SEMA6A: variants seen among roughly 807,000 people sequenced by gnomAD.
The protein encoded by SEMA6A is semaphorin 6A, also known as semaphorin-6A.
In SEMA6A, 25 loss-of-function variants were observed where a neutral mutation model predicts 96.8. The ratio of observed to expected loss-of-function variants is 0.26; its 90% confidence interval spans 0.19 to 0.36. The LOEUF (loss-of-function observed/expected upper bound fraction) is 0.36, where lower values mean the gene tolerates loss of function less well. SEMA6A is among the 10% of genes least tolerant of loss of function. SEMA6A has a pLI of 1.00. For synonymous variants in SEMA6A, 612 were observed against 518.0 expected (o/e 1.18, Z -2.46); for missense variants, 1,363 against 1,323.1 (o/e 1.03, Z -0.47).
intron 18 of SEMA6A, among the ~76,000 whole-genome samples, chr5:116,452,134 C>G (rs1033189701): frequency 6.6e-6 from 1 of 152,218 alleles, no homozygotes; most frequent in African/African-American, 2.4e-5. Context: ...AGAGAACAAT[C>G]AGAGTTGGCT....
chr5:116,485,486 C>G (rs1024805867), intron 10 of SEMA6A, among the ~76,000 whole-genome samples: 1 of 152,172 alleles, frequency 6.6e-6, no homozygotes, highest in Non-Finnish European at 1.5e-5. Context: ...TTAAAGCTTA[C>G]TTATATCTAA....
At chr5:116,553,058 G>T (rs534158189) in intron 1 of SEMA6A, among the ~76,000 whole-genome samples, 1 of 152,180 alleles carries the variant, frequency 6.6e-6, no homozygotes, top group Admixed American at 6.5e-5. Flanking sequence ...AAAGCAAACC[G>T]CTTAGAAAAC....
intron 14 of SEMA6A, 28 bp from the exon 15 acceptor site, chr5:116,477,954 C>T (rs1756544637): frequency 1.2e-6 from 2 of 1,613,886 alleles, no homozygotes; most frequent in Non-Finnish European, 1.7e-6. Context: ...CCATGAGCTA[C>T]CTAGGACTGT....
intron 1 of SEMA6A, among the ~76,000 whole-genome samples, chr5:116,572,112 C>T (rs1761239610): frequency 6.6e-6 from 1 of 152,130 alleles, no homozygotes; most frequent in Non-Finnish European, 1.5e-5. Context: ...ACTTAAAAAC[C>T]AGCGCTGGGG....
chr5:116,496,214 C>G (rs1229971322), intron 5 of SEMA6A, 37 bp downstream of exon 5: 3 of 1,581,004 alleles, frequency 1.9e-6, no homozygotes, highest in East Asian at 2.2e-5. Context: ...AAACTTAACC[C>G]AAAGTGGCAG....
chr5:116,514,520 C>T (rs530717181), intron 1 of SEMA6A, among the ~76,000 whole-genome samples: 3 of 152,136 alleles, frequency 2.0e-5, no homozygotes, highest in Non-Finnish European at 4.4e-5. Context: ...TTGCTGAACT[C>T]GGACATCTGC....
chr5:116,478,285 T>G (rs1756566932), intron 13 of SEMA6A, 131 bp from the exon 14 acceptor site: 2 of 1,087,010 alleles, frequency 1.8e-6, no homozygotes, highest in Middle Eastern at 2.2e-4. Flanking sequence ...CAAACCCTTC[T>G]GCTCTTGCAC....
intron 18 of SEMA6A, among the ~76,000 whole-genome samples, chr5:116,453,321 C>G (rs1398582379): frequency 6.6e-6 from 1 of 152,188 alleles, no homozygotes; most frequent in Non-Finnish European, 1.5e-5. Context: ...CCTTCTCTGA[C>G]TCCTTAGGCC....
chr5:116,483,626 G>C (rs1022743817), intron 10 of SEMA6A, among the ~76,000 whole-genome samples: 1 of 152,072 alleles, frequency 6.6e-6, no homozygotes, highest in African/African-American at 2.4e-5. Flanking sequence ...GAAAATTATT[G>C]AATAATAATT....
chr5:116,467,381 G>C (rs1755824525), intron 18 of SEMA6A, among the ~76,000 whole-genome samples: 1 of 152,112 alleles, frequency 6.6e-6, no homozygotes, highest in Non-Finnish European at 1.5e-5. Context: ...TTTGTTTTGT[G>C]TGGTTTTTCC....
intron 1 of SEMA6A, among the ~76,000 whole-genome samples, chr5:116,523,380 C>G (rs1156972492): frequency 6.6e-6 from 1 of 152,134 alleles, no homozygotes; most frequent in Non-Finnish European, 1.5e-5. Flanking sequence ...GTGATGCAAT[C>G]TCTGCTCACT....
intron 1 of SEMA6A, among the ~76,000 whole-genome samples, chr5:116,541,401 G>C (rs991252439): frequency 1.4e-4 from 22 of 152,192 alleles, no homozygotes; most frequent in African/African-American, 4.8e-4. Flanking sequence ...TGTTCTGAAA[G>C]GAAGCAACCA....
At position 116,574,326 on chromosome 5, in the gene SEMA6A, C is replaced by T. The variant is rs374423432; in HGVS notation, c.-180G>A. 1.2e-4 allele frequency: 19 copies of T among 152,440 alleles called. No individual in the cohort carries two copies. Among genetic ancestry groups the T allele is most frequent in the African/African-American group, 3.4e-4 (14 of 41,354 alleles). 9.4% of individuals were successfully genotyped at this position (152,440 alleles called of 1,614,324 possible). ...CCTTCGCAAGCCTTTGTCATTCCTA[C>T]ATGTGTGCTTGTCTCTTTGGGGGAA... On this transcript the variant is annotated 5_prime_UTR_variant, in exon 1 of 19. An upstream start codon of the reference 5' UTR is lost. Transcript: ENST00000343348.
chr5:116,450,487 G>A (rs1458362351), intron 18 of SEMA6A, among the ~76,000 whole-genome samples: 2 of 152,214 alleles, frequency 1.3e-5, no homozygotes, highest in African/African-American at 4.8e-5. Flanking sequence ...TTTTTCACAT[G>A]TATCCATTGC....
At chr5:116,537,073 T>C (rs1759748782) in intron 1 of SEMA6A, among the ~76,000 whole-genome samples, 2 of 152,110 alleles carry the variant, frequency 1.3e-5, no homozygotes, top group Non-Finnish European at 2.9e-5. Flanking sequence ...GAACACCTAC[T>C]TAGCTGGAAG....
At chr5:116,478,361 C>A (rs1353622009) in intron 13 of SEMA6A, 181 bp downstream of exon 13, 14 of 593,418 alleles carry the variant, frequency 2.4e-5, no homozygotes, top group Non-Finnish European at 3.6e-5. Context: ...TCTATATAAA[C>A]ACACACACAC....
At chr5:116,538,887 T>C (rs1199279866) in intron 1 of SEMA6A, among the ~76,000 whole-genome samples, 2 of 152,198 alleles carry the variant, frequency 1.3e-5, no homozygotes, top group Non-Finnish European at 2.9e-5. Context: ...CTGTTTCCTA[T>C]GTATTTTCTA....
Position 116,478,689 on chromosome 5 carries a change from G to T in SEMA6A, c.1280C>A (p.Thr427Lys). Residue 427 changes from threonine to lysine, a missense_variant, in exon 13 of 19, where the codon ACA becomes AAA. This residue lies in a region of SEMA6A where 480 missense variants were observed against 559.5 expected (regional missense o/e 0.86). Transcript: ENST00000343348. ...GTGATTCTGATATGGCCCAGCAGCT[G>T]TGTCCACTGCAATTTTGGTAAGGCG... ...RYRLTKIAVD[T>K]AAGPYQNHTV... 6.2e-7 allele frequency: 1 copy of T among 1,612,960 alleles called. No homozygotes were observed. Among genetic ancestry groups the T allele is most frequent in the Non-Finnish European group, 8.5e-7 (1 of 1,179,648 alleles).
At chr5:116,487,227 G>A (rs2287685) in intron 9 of SEMA6A, 15 of 401,878 alleles carry the variant, frequency 3.7e-5, no homozygotes, top group Non-Finnish European at 6.8e-5. Context: ...GCCACATAAA[G>A]TCATTTCCAT....
Sources: allele counts gnomAD v4.1 joint callset (sites outside exome capture counted in the v4.1 genomes callset), GRCh38; gene constraint gnomAD v4.1.1; regional missense constraint gnomAD v4.1.1; transcripts MANE v1.5; gene names NCBI Gene and HGNC (gene_info 2026-07-23, HGNC 2026-07-21).